PRICKLE2: variants seen among roughly 807,000 people sequenced by gnomAD.
PRICKLE2 encodes the protein prickle planar cell polarity protein 2, also known as prickle-like protein 2.
PRICKLE2 carries 21 observed loss-of-function variants against 81.4 expected under a neutral mutation model. That is an observed-to-expected ratio of 0.26 (90% CI 0.18 to 0.37). The LOEUF (loss-of-function observed/expected upper bound fraction) is 0.37. PRICKLE2 is among the 10% of genes least tolerant of loss of function. The pLI is 1.00. For synonymous variants in PRICKLE2, 456 were observed against 421.5 expected (o/e 1.08, Z -1.00); for missense variants, 940 against 1,109.0 (o/e 0.85, Z 2.16).
intron 7 of PRICKLE2, among the ~76,000 whole-genome samples, chr3:64,130,042 C>T (rs1342425702): frequency 1.3e-5 from 2 of 152,212 alleles, no homozygotes; most frequent in Admixed American, 6.5e-5. Context: ...AAACTACACA[C>T]TGGCAAACTG....
At chr3:64,184,153 GAA>G (rs1360825809) in intron 2 of PRICKLE2, among the ~76,000 whole-genome samples, 1 of 152,310 alleles carries the variant, frequency 6.6e-6, no homozygotes, top group East Asian at 1.9e-4. Flanking sequence ...GCCTTACCAA[GAA>G]AAGTGTTTTC....
Position 64,093,659 on chromosome 3 carries a change from G to C in PRICKLE2, c.*5392C>G, listed in dbSNP as rs1268270991. On this transcript the variant is annotated 3_prime_UTR_variant, in exon 8 of 8. Coordinates refer to ENST00000638394, the MANE Select transcript of PRICKLE2 (RefSeq NM_198859.4). ...TTGCTAAACATCCTACAATGCACAG[G>C]ACAGCCCTCTGCAACCGAGAATTAA... is the stretch of plus-strand genomic sequence containing the variant. 6.6e-6 allele frequency: 1 copy of C among 152,070 alleles called. No homozygotes were observed. The allele number at this position is 152,070 out of a possible 1,614,324, so 9.4% of individuals were successfully genotyped here. A position where few individuals can be genotyped will look rare whatever the true frequency, so the allele number is the denominator to read the frequency against.
At chr3:64,195,168 A>T (rs2078426745) in intron 2 of PRICKLE2, among the ~76,000 whole-genome samples, 1 of 152,242 alleles carries the variant, frequency 6.6e-6, no homozygotes, top group South Asian at 2.1e-4. Context: ...GGATCTGAAC[A>T]ACTTCTCTGA....
chr3:64,258,825 A>G (rs181685391), intron 2 of PRICKLE2, among the ~76,000 whole-genome samples: 298 of 70,902 alleles, frequency 4.2e-3, no homozygotes, highest in African/African-American at 0.016. Context: ...CTCTGTCTCA[A>G]AAAAAAAAAA....
chr3:64,173,115 G>A (rs1053148526), intron 2 of PRICKLE2, among the ~76,000 whole-genome samples: 4 of 152,224 alleles, frequency 2.6e-5, no homozygotes, highest in Non-Finnish European at 5.9e-5. Flanking sequence ...ATTTGGCAGA[G>A]GGTATAAGAC....
intron 2 of PRICKLE2, among the ~76,000 whole-genome samples, chr3:64,251,889 C>A (rs1172465238): frequency 2.2e-4 from 33 of 152,226 alleles, no homozygotes; most frequent in Non-Finnish European, 1.5e-5. Flanking sequence ...CCTACTACAT[C>A]CCAGCTCTGT....
intron 2 of PRICKLE2, among the ~76,000 whole-genome samples, chr3:64,266,757 A>G (rs2079716019): frequency 6.6e-6 from 1 of 152,188 alleles, no homozygotes; most frequent in South Asian, 2.1e-4. Context: ...GCGTACAGAA[A>G]GCAGGGAACT....
Position 64,153,348 on chromosome 3 carries a change from G to A in PRICKLE2, c.621C>T (p.Cys207=). 6.2e-7 allele frequency: 1 copy of A among 1,614,058 alleles called. No individual in the cohort carries two copies. Among genetic ancestry groups the A allele is most frequent in the Non-Finnish European group, 8.5e-7 (1 of 1,180,030 alleles). The part of the protein sequence containing the change: ...ACDEIIFADE[C]TEAEGRHWHM... ...GCCAGTGTCGCCCCTCAGCTTCTGTGCATTCATCTGCAAAGATGATCTGGA... is the reference window on the plus strand; with the variant it reads ...GCCAGTGTCGCCCCTCAGCTTCTGTACATTCATCTGCAAAGATGATCTGGA... The change falls in exon 6 of 8, where the codon TGC becomes TGT. Residue 207 remains cysteine (C), a synonymous_variant. Coordinates refer to ENST00000638394, the MANE Select transcript of PRICKLE2 (RefSeq NM_198859.4).
At chr3:64,247,998 C>T (rs1213518218) in intron 2 of PRICKLE2, among the ~76,000 whole-genome samples, 1 of 152,142 alleles carries the variant, frequency 6.6e-6, no homozygotes. Flanking sequence ...ATGCTGGGCA[C>T]CTCAATCCAC....
intron 2 of PRICKLE2, among the ~76,000 whole-genome samples, chr3:64,256,800 C>T (rs985908653): frequency 6.6e-6 from 1 of 152,192 alleles, no homozygotes; most frequent in African/African-American, 2.4e-5. Context: ...ATAAACATGA[C>T]AGCATAACAA....
intron 6 of PRICKLE2, among the ~76,000 whole-genome samples, chr3:64,151,813 T>G (rs1455931165): frequency 6.6e-6 from 1 of 152,216 alleles, no homozygotes; most frequent in African/African-American, 2.4e-5. Context: ...TTTGACTACT[T>G]TGATCTTGTG....
At chr3:64,113,216 G>T (rs1270849800) in intron 7 of PRICKLE2, among the ~76,000 whole-genome samples, 1 of 152,208 alleles carries the variant, frequency 6.6e-6, no homozygotes, top group Non-Finnish European at 1.5e-5. Context: ...TGCTGTGGGG[G>T]TGTCTGCAGT....
chr3:64,122,798 G>A (rs2077046320), intron 7 of PRICKLE2, among the ~76,000 whole-genome samples: 1 of 152,074 alleles, frequency 6.6e-6, no homozygotes, highest in Non-Finnish European at 1.5e-5. Context: ...CACTAAATGT[G>A]GTCCCTGTGC....
rs1441014855 is a variant in PRICKLE2, at chr3:64,153,374, GA to G, written c.601-7del. On this transcript the variant is annotated splice_region_variant and splice_polypyrimidine_tract_variant and intron_variant, in intron 5 of 7. Coordinates refer to ENST00000638394, the MANE Select transcript of PRICKLE2 (RefSeq NM_198859.4). ...CATTCATCTGCAAAGATGATCTGGA[GA>G]TGGGGAAGCCAAATGGTCAGTGTGT... 6.2e-7 allele frequency: 1 copy of G among 1,613,828 alleles called. No individual in the cohort carries two copies. Among genetic ancestry groups the G allele is most frequent in the South Asian group, 1.1e-5 (1 of 91,080 alleles).
At chr3:64,137,587 G>A (rs2077297058) in intron 7 of PRICKLE2, among the ~76,000 whole-genome samples, 1 of 152,172 alleles carries the variant, frequency 6.6e-6, no homozygotes, top group Non-Finnish European at 1.5e-5. Context: ...CCCAGAAAAT[G>A]TCAGGGAGAC....
At chr3:64,228,036 G>A (rs1239436768), upstream of PRICKLE2, among the ~76,000 whole-genome samples, 4 of 152,242 alleles carry the variant, frequency 2.6e-5, no homozygotes, top group South Asian at 8.3e-4. Context: ...GGAAATAAAG[G>A]AGTAAAAATG....
At chr3:64,201,661 T>C (rs546725892) in intron 1 of PRICKLE2, among the ~76,000 whole-genome samples, 107 of 152,352 alleles carry the variant, frequency 7.0e-4, no homozygotes, top group African/African-American at 2.3e-3. Context: ...AGATATGTGA[T>C]AGGAACATTT....
chr3:64,203,922 G>A (rs1358087783), intron 1 of PRICKLE2, among the ~76,000 whole-genome samples: 3 of 152,086 alleles, frequency 2.0e-5, no homozygotes, highest in Admixed American at 6.5e-5. Context: ...AGGTTGCAGT[G>A]AGCCCAGATC....
At chr3:64,209,110 C>A (rs2078742853) in intron 1 of PRICKLE2, among the ~76,000 whole-genome samples, 1 of 151,974 alleles carries the variant, frequency 6.6e-6, no homozygotes. Flanking sequence ...TCCATCCACC[C>A]ATCTATTCAT....
Sources: gnomAD v4.1 joint callset for allele counts (sites outside exome capture counted in the v4.1 genomes callset) on GRCh38, gnomAD v4.1.1 for gene constraint, MANE v1.5 for transcripts, NCBI Gene and HGNC (gene_info 2026-07-23, HGNC 2026-07-21) for gene names.